Variants in FSTL5 observed in about 807,000 individuals in gnomAD.
The protein encoded by FSTL5 is follistatin like 5, also known as follistatin-related protein 5.
Under a neutral mutation model 89.1 loss-of-function variants are expected in FSTL5, and 62 were observed. That is an observed-to-expected ratio of 0.70 (90% CI 0.57 to 0.86). The LOEUF is 0.86. Among genes scored for constraint, FSTL5 ranks in the 40% least tolerant of loss-of-function variants. The pLI, the probability that FSTL5 is intolerant of heterozygous loss-of-function variation, is 0.00. For synonymous variants in FSTL5, 383 were observed against 346.2 expected (o/e 1.11, Z -1.18); for missense variants, 1,057 against 1,001.6 (o/e 1.06, Z -0.75).
chr4:161,510,930 A>G (rs890985294), intron 10 of FSTL5, among the ~76,000 whole-genome samples: 1 of 152,066 alleles, frequency 6.6e-6, no homozygotes, highest in African/African-American at 2.4e-5. Context: ...TTTAAAGAGT[A>G]TATGTTTTTA....
Position 161,920,660 on chromosome 4 carries a change from A to T in FSTL5, c.161-8T>A. On this transcript the variant is annotated splice_region_variant and splice_polypyrimidine_tract_variant and intron_variant, in intron 3 of 15. Coordinates refer to ENST00000306100, the MANE Select transcript of FSTL5 (RefSeq NM_020116.5). The stretch of plus-strand genomic sequence containing the variant: ...CATCCTGAATCATAAATCCTGAAGA[A>T]TTAAAAAAAAATTGAAAATCGTTTG... 1 of 1,469,452 alleles carries T rather than the reference A, an allele frequency of 6.8e-7. No individual in the cohort carries two copies. Among genetic ancestry groups the T allele is most frequent in the South Asian group, 1.2e-5 (1 of 84,724 alleles). The allele number at this position is 1,469,452 out of a possible 1,614,324, so 91.0% of individuals were successfully genotyped here.
chr4:161,483,326 T>A (rs1056941861), intron 12 of FSTL5, among the ~76,000 whole-genome samples: 3 of 152,214 alleles, frequency 2.0e-5, no homozygotes, highest in African/African-American at 7.2e-5. Flanking sequence ...ACAGGGAAAT[T>A]GTTTACAAAT....
At chr4:161,600,586 T>C (rs1734196458) in intron 7 of FSTL5, among the ~76,000 whole-genome samples, 1 of 152,156 alleles carries the variant, frequency 6.6e-6, no homozygotes, top group African/African-American at 2.4e-5. Flanking sequence ...ATGCAGAATA[T>C]CCCAGTTTCT....
intron 15 of FSTL5, among the ~76,000 whole-genome samples, chr4:161,422,525 T>C (rs754084784): frequency 6.6e-6 from 1 of 152,194 alleles, no homozygotes; most frequent in Non-Finnish European, 1.5e-5. Context: ...GGAATGATCA[T>C]AGAGAAGGTG....
intron 15 of FSTL5, among the ~76,000 whole-genome samples, chr4:161,437,515 A>C (rs578175448): frequency 1.7e-4 from 23 of 137,618 alleles, no homozygotes; most frequent in South Asian, 1.0e-3. Flanking sequence ...TGCAGTGAGC[A>C]GAGATGGCGC....
At chr4:162,147,898 G>A (rs1029641789) in intron 1 of FSTL5, among the ~76,000 whole-genome samples, 7 of 152,112 alleles carry the variant, frequency 4.6e-5, no homozygotes, top group East Asian at 3.9e-4. Flanking sequence ...CCAGCTACTC[G>A]GGAAGGTGAG....
chr4:162,038,595 C>T (rs1737828703), intron 2 of FSTL5, among the ~76,000 whole-genome samples: 1 of 151,754 alleles, frequency 6.6e-6, no homozygotes, highest in African/African-American at 2.4e-5. Context: ...TACCATGTTG[C>T]TAGTCTTTTA....
chr4:161,744,104 T>A (rs1740113244), intron 6 of FSTL5, among the ~76,000 whole-genome samples: 1 of 152,084 alleles, frequency 6.6e-6, no homozygotes, highest in South Asian at 2.1e-4. Flanking sequence ...TAAATCATCC[T>A]GTTTTTTTCA....
intron 2 of FSTL5, among the ~76,000 whole-genome samples, chr4:162,088,793 T>C (rs1461685140): frequency 6.6e-6 from 1 of 152,142 alleles, no homozygotes; most frequent in Non-Finnish European, 1.5e-5. Context: ...GTAACATTTA[T>C]AGTTCTCAAA....
intron 10 of FSTL5, among the ~76,000 whole-genome samples, chr4:161,533,282 A>C (rs1731487311): frequency 6.6e-6 from 1 of 152,006 alleles, no homozygotes; most frequent in Non-Finnish European, 1.5e-5. Flanking sequence ...TTAATAAAGC[A>C]AGAGTTTGTT....
intron 15 of FSTL5, among the ~76,000 whole-genome samples, chr4:161,431,634 A>C (rs566542118): frequency 6.6e-6 from 1 of 152,238 alleles, no homozygotes; most frequent in African/African-American, 2.4e-5. Context: ...CATTGAATGT[A>C]AATGGACTAA....
At chr4:162,095,338 G>T (rs1459790721) in intron 2 of FSTL5, among the ~76,000 whole-genome samples, 2 of 152,048 alleles carry the variant, frequency 1.3e-5, no homozygotes, top group Non-Finnish European at 2.9e-5. Flanking sequence ...GAAATTCTAG[G>T]TTAAACAAAG....
In FSTL5 at chr4:161,448,789, CT is replaced by C. The variant is rs1375426879; in HGVS notation, c.1841+6214del. On this transcript the variant is annotated intron_variant, in intron 15 of 15. Coordinates refer to ENST00000306100, the MANE Select transcript of FSTL5 (RefSeq NM_020116.5). The stretch of plus-strand genomic sequence containing the variant: ...ATTTGGCTCCAAGTACTCTTACACT[CT>C]TAGCACTTATTTCACTGTTGAGGAT... 4.6e-5 allele frequency among the ~76,000 whole-genome samples: 7 copies of C among 152,140 alleles called. No homozygotes were observed. In the East Asian group the frequency reaches 1.4e-3, roughly 29 times the overall value.
At chr4:161,430,289 G>A (rs1331139249) in intron 15 of FSTL5, among the ~76,000 whole-genome samples, 1 of 152,082 alleles carries the variant, frequency 6.6e-6, no homozygotes, top group Non-Finnish European at 1.5e-5. Context: ...TGGCATTAAA[G>A]AGTAGGTAGA....
chr4:161,979,123 G>A (rs1024084521), intron 3 of FSTL5, among the ~76,000 whole-genome samples: 43 of 152,090 alleles, frequency 2.8e-4, no homozygotes, highest in African/African-American at 7.7e-4. Flanking sequence ...TCTGGTCTTG[G>A]CTATGTGGCT....
At chr4:161,783,633 TTTTC>T (rs1271968429) in intron 4 of FSTL5, among the ~76,000 whole-genome samples, 4 of 35,920 alleles carry the variant, frequency 1.1e-4, no homozygotes, top group African/African-American at 1.4e-4. Flanking sequence ...TTTCTCTTTC[TTTTC>T]TTTCTTTCTC....
At chr4:161,430,342 CAG>C (rs1299862307) in intron 15 of FSTL5, among the ~76,000 whole-genome samples, 1 of 151,682 alleles carries the variant, frequency 6.6e-6, no homozygotes, top group Non-Finnish European at 1.5e-5. Context: ...AGTCATCAAA[CAG>C]AGAACTTTCC....
chr4:161,812,925 ATAAGAGCCAG>A (rs997661787), intron 4 of FSTL5, among the ~76,000 whole-genome samples: 1 of 141,490 alleles, frequency 7.1e-6, no homozygotes, highest in African/African-American at 2.6e-5. Flanking sequence ...TTTTAGAAGA[ATAAGAGCCAG>A]TAAGAAATCT....
intron 2 of FSTL5, among the ~76,000 whole-genome samples, chr4:162,093,276 T>A (rs901423729): frequency 6.6e-6 from 1 of 152,168 alleles, no homozygotes; most frequent in South Asian, 2.1e-4. Context: ...TTAAATGTTA[T>A]ACTAATCTCT....
Sources: allele counts gnomAD v4.1 joint callset (sites outside exome capture counted in the v4.1 genomes callset), GRCh38; gene constraint gnomAD v4.1.1; transcripts MANE v1.5; gene names NCBI Gene and HGNC (gene_info 2026-07-23, HGNC 2026-07-21).